NOS2: variants seen among roughly 807,000 people sequenced by gnomAD.
The protein encoded by NOS2 is nitric oxide synthase 2, also known as nitric oxide synthase, inducible.
A neutral mutation model predicts 136.0 loss-of-function variants in NOS2; 96 were observed. The observed-to-expected ratio is 0.71, with a 90% confidence interval of 0.60 to 0.84. The LOEUF is 0.84. Ranked by LOEUF, NOS2 falls within the 40% of genes least tolerant of loss-of-function variation. The probability of loss-of-function intolerance (pLI) is 0.00; values close to 1 mark genes in which losing one functional copy is unlikely to be tolerated. For synonymous variants in NOS2, 539 were observed against 587.5 expected (o/e 0.92, Z 1.20); for missense variants, 1,237 against 1,496.9 (o/e 0.83, Z 2.87).
At chr17:27,793,895 G>A in intron 2 of NOS2, 1 of 367,598 alleles carries the variant, frequency 2.7e-6, no homozygotes, top group Non-Finnish European at 4.8e-6. Context: ...AGCACCCAGG[G>A]GCCCGCAGCC....
intron 1 of NOS2, among the ~76,000 whole-genome samples, 187 bp downstream of exon 1, chr17:27,800,152 A>G (rs1909485720): frequency 6.6e-6 from 1 of 152,258 alleles, no homozygotes. Context: ...TAATATTTGC[A>G]GAAAAGAAAT....
At chr17:27,759,546 A>C (rs1212847333) in intron 25 of NOS2, among the ~76,000 whole-genome samples, 4 of 152,114 alleles carry the variant, frequency 2.6e-5, no homozygotes, top group Non-Finnish European at 4.4e-5. Context: ...TGGCCCCAGC[A>C]CTGGGCACAG....
intron 7 of NOS2, 24 bp downstream of exon 7, chr17:27,781,991 C>T (rs747316733): frequency 6.2e-7 from 1 of 1,606,396 alleles, no homozygotes; most frequent in Admixed American, 1.7e-5. Context: ...AGCCCCTCTG[C>T]AGCCCTGGGA....
chr17:27,779,011 A>G lies in NOS2; in HGVS notation c.1050T>C (p.Pro350=). 6.2e-7 allele frequency: 1 copy of G among 1,607,166 alleles called. No homozygotes were observed. Among genetic ancestry groups the G allele is most frequent in the East Asian group, 2.2e-5 (1 of 44,742 alleles). The change falls in exon 10 of 27, where the codon CCT becomes CCC. Residue 350 remains proline (P), a synonymous_variant. Transcript: ENST00000313735. ...RELELKWYAL[P]AVANMLLEVG... ...CCTCAAGCAGCATGTTGGCCACTGC[A>G]GGCAGGGCGTACCACTTTAGCTCCA...
chr17:27,765,082 G>A (rs575495706), intron 20 of NOS2, among the ~76,000 whole-genome samples: 10 of 152,312 alleles, frequency 6.6e-5, no homozygotes, highest in Admixed American at 5.2e-4. Context: ...GGCTTCAAGC[G>A]ATTCTTGTGC....
intron 4 of NOS2, 128 bp from the exon 5 acceptor site, chr17:27,787,954 C>T: frequency 2.2e-6 from 2 of 913,746 alleles, no homozygotes; most frequent in East Asian, 5.4e-5. Context: ...TTCTCCACCC[C>T]TGTGGCACCT....
At chr17:27,761,911 C>G (rs1908143030) in intron 22 of NOS2, among the ~76,000 whole-genome samples, 1 of 152,184 alleles carries the variant, frequency 6.6e-6, no homozygotes, top group African/African-American at 2.4e-5. Flanking sequence ...TCTGCCTCTC[C>G]TCTCCTGGTC....
At chr17:27,774,159 G>C in intron 12 of NOS2, 98 bp downstream of exon 12, 1 of 879,654 alleles carries the variant, frequency 1.1e-6, no homozygotes, top group Non-Finnish European at 1.6e-6. Flanking sequence ...CCTGCTTCCC[G>C]TCGTGCCCTA....
rs746324193 is a variant in NOS2, at chr17:27,761,250, G to C, written c.2801-19C>G. On this transcript the variant is annotated intron_variant, in intron 22 of 26. Coordinates refer to ENST00000313735, the MANE Select transcript of NOS2 (RefSeq NM_000625.4). ...TGGCCATCTGCAACGATACCACAAAGTGACCAACGTCCCCCCACTGCCCAT... is the reference window on the plus strand; with the variant it reads ...TGGCCATCTGCAACGATACCACAAACTGACCAACGTCCCCCCACTGCCCAT... 1.9e-6 allele frequency: 3 copies of C among 1,587,504 alleles called. No individual in the cohort carries two copies. Among genetic ancestry groups the C allele is most frequent in the Non-Finnish European group, 2.6e-6 (3 of 1,166,892 alleles).
chr17:27,768,922 C>T, intron 17 of NOS2, 55 bp downstream of exon 17: 3 of 1,505,332 alleles, frequency 2.0e-6, no homozygotes, highest in Non-Finnish European at 2.7e-6. Context: ...ATGTCCTAGG[C>T]ATGAATGCAC....
chr17:27,778,209 T>G (rs570188042), intron 11 of NOS2, among the ~76,000 whole-genome samples: 1 of 152,216 alleles, frequency 6.6e-6, no homozygotes, highest in East Asian at 1.9e-4. Flanking sequence ...GCCTTCTTTT[T>G]TTTTTGAGCG....
intron 2 of NOS2, among the ~76,000 whole-genome samples, chr17:27,795,912 A>G (rs549150205): frequency 3.0e-4 from 46 of 152,278 alleles, no homozygotes; most frequent in South Asian, 2.7e-3. Context: ...GTCTGAACTC[A>G]TATTTCCTGA....
intron 17 of NOS2, among the ~76,000 whole-genome samples, chr17:27,768,347 G>A (rs547175557): frequency 6.6e-6 from 1 of 152,244 alleles, no homozygotes; most frequent in South Asian, 2.1e-4. Flanking sequence ...CACTGTGCCC[G>A]ACCACTATGA....
rs139005303 is a variant in NOS2, at chr17:27,759,037, G to C, written c.3198C>G (p.Ser1066Arg). The C allele has an allele frequency of 5.6e-5, 90 of 1,607,074 alleles. No homozygotes were observed. The African/African-American group carries it at 9.2e-4, about 17-fold the overall frequency. Residue 1066 changes from serine to arginine, a missense_variant, in exon 26 of 27, where the codon AGC (serine) becomes AGG (arginine). Physicochemically the swap from Ser to Arg is moderately radical, Grantham distance 110. This residue lies in a region of NOS2 where 782 missense variants were observed against 909.9 expected (regional missense o/e 0.86). Transcript: ENST00000313735. ...VQDILRQQLA[S>R]EVLRVLHKEP... ...CCTTGTGGAGCACACGGAGCACCTC[G>C]CTGGCCAGCTGCTGCCGCAGGATGT...
At chr17:27,761,671 G>A (rs1230558117) in intron 22 of NOS2, among the ~76,000 whole-genome samples, 1 of 152,150 alleles carries the variant, frequency 6.6e-6, no homozygotes, top group South Asian at 2.1e-4. Context: ...GCTCATGAGC[G>A]TGGCCCTTGC....
chr17:27,784,675 G>GA (rs1473720393), intron 5 of NOS2, among the ~76,000 whole-genome samples: 1 of 152,010 alleles, frequency 6.6e-6, no homozygotes, highest in Non-Finnish European at 1.5e-5. Context: ...TATGAGCTCT[G>GA]AAAAAAAGGA....
Position 27,798,683 on chromosome 17 carries a change from C to T in NOS2, c.110+17G>A. The T allele has an allele frequency of 6.5e-7, 1 of 1,540,980 alleles. No individual in the cohort carries two copies. The highest frequency in any genetic ancestry group is 9.0e-7 in the Non-Finnish European group (1 of 1,113,418). On this transcript the variant is annotated intron_variant, in intron 2 of 26. Coordinates refer to ENST00000313735, the MANE Select transcript of NOS2 (RefSeq NM_000625.4). ...GCCCAAGGAGACAAGCAGGAGGTTC[C>T]CCCAGGGAAAACTCACCTGGAGGTG...
At chr17:27,798,548 AT>A in intron 2 of NOS2, 151 bp downstream of exon 2, 1 of 637,222 alleles carries the variant, frequency 1.6e-6, no homozygotes, top group Non-Finnish European at 2.8e-6. Flanking sequence ...CAGCGGCTGC[AT>A]TGAATTCCAA....
At chr17:27,766,458 T>A in intron 19 of NOS2, 52 bp downstream of exon 19, 1 of 1,445,600 alleles carries the variant, frequency 6.9e-7, no homozygotes, top group South Asian at 1.1e-5. Context: ...CTTTCATTCG[T>A]TAAAATAAAA....
Sources: gnomAD v4.1 joint callset for allele counts (sites outside exome capture counted in the v4.1 genomes callset) on GRCh38, gnomAD v4.1.1 for gene constraint, gnomAD v4.1.1 regional missense constraint, MANE v1.5 for transcripts, NCBI Gene and HGNC (gene_info 2026-07-23, HGNC 2026-07-21) for gene names.